The following MACROD2 variants were observed in gnomAD, a reference collection of about 807,000 sequenced individuals.
MACROD2 encodes the protein mono-ADP ribosylhydrolase 2.
A neutral mutation model predicts 70.4 loss-of-function variants in MACROD2; 36 were observed. That is an observed-to-expected ratio of 0.51 (90% CI 0.39 to 0.68). MACROD2 has a LOEUF of 0.68. Ranked by LOEUF, MACROD2 falls within the 30% of genes least tolerant of loss-of-function variation. The pLI is 0.00. For synonymous variants in MACROD2, 172 were observed against 178.8 expected (o/e 0.96, Z 0.30); for missense variants, 496 against 538.4 (o/e 0.92, Z 0.78).
intron 6 of MACROD2, among the ~76,000 whole-genome samples, chr20:15,428,575 A>T (rs2046327942): frequency 6.6e-6 from 1 of 152,170 alleles, no homozygotes; most frequent in Non-Finnish European, 1.5e-5. Context: ...ACCTTGTTAA[A>T]CTAACTCTTG....
chr20:14,501,897 A>G (rs1022431198), intron 4 of MACROD2, among the ~76,000 whole-genome samples: 3 of 152,170 alleles, frequency 2.0e-5, no homozygotes, highest in African/African-American at 7.2e-5. Flanking sequence ...TAAAGTTAGG[A>G]AGTACTCTAA....
At chr20:14,457,604 A>G (rs896325727) in intron 3 of MACROD2, among the ~76,000 whole-genome samples, 4 of 152,136 alleles carry the variant, frequency 2.6e-5, no homozygotes, top group Non-Finnish European at 5.9e-5. Context: ...AATAACTTTT[A>G]TTATTTCATT....
chr20:14,310,813 T>C (rs1053156008), intron 3 of MACROD2, among the ~76,000 whole-genome samples: 1 of 152,088 alleles, frequency 6.6e-6, no homozygotes, highest in Non-Finnish European at 1.5e-5. Flanking sequence ...AGATGTTTCT[T>C]TGTGACTTAG....
intron 2 of MACROD2, among the ~76,000 whole-genome samples, chr20:14,076,640 C>T (rs1002167627): frequency 6.6e-6 from 1 of 152,190 alleles, no homozygotes; most frequent in Non-Finnish European, 1.5e-5. Flanking sequence ...GATTTCACCA[C>T]TGCACTCCAG....
chr20:15,723,805 A>G (rs1273087574), intron 8 of MACROD2, among the ~76,000 whole-genome samples: 1 of 152,182 alleles, frequency 6.6e-6, no homozygotes, highest in Non-Finnish European at 1.5e-5. Context: ...GATAAATACT[A>G]GGGAGAGTAA....
intron 8 of MACROD2, among the ~76,000 whole-genome samples, chr20:15,710,194 C>A (rs951082775): frequency 0.015 from 1,568 of 102,252 alleles, no homozygotes; most frequent in East Asian, 0.024. Flanking sequence ...ATCAAAAAGA[C>A]AAAAAAAAAA....
At chr20:15,699,156 T>G (rs965170743) in intron 8 of MACROD2, among the ~76,000 whole-genome samples, 7 of 152,232 alleles carry the variant, frequency 4.6e-5, no homozygotes, top group African/African-American at 1.7e-4. Context: ...TGAAGAGCCT[T>G]GTTTTGTCAT....
chr20:14,000,608 C>G (rs930123349), intron 1 of MACROD2, among the ~76,000 whole-genome samples: 3 of 152,112 alleles, frequency 2.0e-5, no homozygotes, highest in African/African-American at 7.2e-5. Context: ...TCGTGGAGAC[C>G]ATTGGTATGG....
Position 15,477,717 on chromosome 20 carries a change from C to G in MACROD2, c.572-22057C>G, listed in dbSNP as rs141113854. 1.6e-3 allele frequency among the ~76,000 whole-genome samples: 237 copies of G among 152,264 alleles called. 1 individual carries two copies. Among genetic ancestry groups the G allele is most frequent in the Non-Finnish European group, 2.8e-3 (188 of 68,022 alleles). On this transcript the variant is annotated intron_variant, in intron 7 of 17. Transcript: ENST00000684519. ...AGGTCCGCGTCCTAGTTCACAGAAC[C>G]TATGAATATGTTTCCTTGCATGGCA...
At chr20:14,020,751 G>A (rs923772260) in intron 2 of MACROD2, among the ~76,000 whole-genome samples, 67 of 152,252 alleles carry the variant, frequency 4.4e-4, no homozygotes, top group African/African-American at 1.6e-3. Flanking sequence ...TCCTTGTTGT[G>A]TGTGATTATT....
intron 8 of MACROD2, among the ~76,000 whole-genome samples, chr20:15,790,085 T>TA (rs2063610344): frequency 6.6e-6 from 1 of 152,016 alleles, no homozygotes; most frequent in Non-Finnish European, 1.5e-5. Context: ...CCAAATTTTT[T>TA]ATACAAAGAC....
chr20:15,261,263 A>T (rs568316542), intron 6 of MACROD2, among the ~76,000 whole-genome samples: 1 of 151,994 alleles, frequency 6.6e-6, no homozygotes, highest in Non-Finnish European at 1.5e-5. Flanking sequence ...CACGTCAAAC[A>T]TGCCCAATAT....
chr20:15,993,456 G>A (rs1177648189), intron 15 of MACROD2, among the ~76,000 whole-genome samples: 3 of 152,008 alleles, frequency 2.0e-5, no homozygotes, highest in Non-Finnish European at 2.9e-5. Context: ...GTAACATGCT[G>A]TATGGGTTTA....
intron 5 of MACROD2, among the ~76,000 whole-genome samples, chr20:14,854,371 G>GCACAGCAAAAGAAAC (rs2073231161): frequency 6.6e-6 from 1 of 152,098 alleles, no homozygotes; most frequent in Non-Finnish European, 1.5e-5. Flanking sequence ...ATATAGCTTT[G>GCACAGCAAAAGAAAC]TAAGAATAGT....
At chr20:15,436,828 C>G (rs2046433758) in intron 7 of MACROD2, among the ~76,000 whole-genome samples, 1 of 152,156 alleles carries the variant, frequency 6.6e-6, no homozygotes, top group African/African-American at 2.4e-5. Context: ...TTTTGTAAGT[C>G]ATACTAGAAT....
intron 4 of MACROD2, among the ~76,000 whole-genome samples, chr20:14,655,299 A>G (rs1437609219): frequency 6.6e-6 from 1 of 150,836 alleles, no homozygotes; most frequent in Non-Finnish European, 1.5e-5. Flanking sequence ...CAAAGCTTAT[A>G]TATAAATCCA....
chr20:14,770,918 G>A (rs2072156721), intron 5 of MACROD2, among the ~76,000 whole-genome samples: 1 of 152,000 alleles, frequency 6.6e-6, no homozygotes, highest in African/African-American at 2.4e-5. Context: ...AAGATGTTAT[G>A]ATGGTTAATT....
At chr20:14,304,449 G>A (rs1443224151) in intron 3 of MACROD2, among the ~76,000 whole-genome samples, 1 of 152,176 alleles carries the variant, frequency 6.6e-6, no homozygotes, top group East Asian at 1.9e-4. Context: ...AGAATATTTA[G>A]TAGACATACT....
intron 7 of MACROD2, among the ~76,000 whole-genome samples, chr20:15,480,318 A>G (rs998173016): frequency 6.6e-6 from 1 of 152,150 alleles, no homozygotes; most frequent in Admixed American, 6.5e-5. Flanking sequence ...TCTTCGCTCC[A>G]GTTTTGGGGT....
Sources: gnomAD v4.1 joint callset for allele counts (sites outside exome capture counted in the v4.1 genomes callset) on GRCh38, gnomAD v4.1.1 for gene constraint, MANE v1.5 for transcripts, NCBI Gene and HGNC (gene_info 2026-07-23, HGNC 2026-07-21) for gene names.